HYDIN: variants seen among roughly 807,000 people sequenced by gnomAD.
The protein encoded by HYDIN is HYDIN axonemal central pair apparatus protein, also known as axonemal central pair apparatus protein HYDIN.
In HYDIN, 132 loss-of-function variants were observed where a neutral mutation model predicts 403.9. The observed-to-expected ratio is 0.33, with a 90% CI of 0.28 to 0.38. HYDIN has a LOEUF of 0.38. HYDIN is among the 10% of genes least tolerant of loss of function. The probability of loss-of-function intolerance (pLI) is 1.00; values close to 1 mark genes in which losing one functional copy is unlikely to be tolerated. For synonymous variants in HYDIN, 1,202 were observed against 1,891.7 expected, an observed-to-expected ratio of 0.64 and a Z score of 9.46; for missense variants, 2,827 against 5,009.5, an observed-to-expected ratio of 0.56 and a Z score of 13.15.
chr16:71,230,542 TC>T lies in HYDIN; in HGVS notation c.-24+19del, dbSNP rs2041236152. On this transcript the variant is annotated intron_variant, in intron 1 of 85. Coordinates refer to ENST00000393567, the MANE Select transcript of HYDIN (RefSeq NM_001270974.2). ...TGTCCCTCACACTTTGACCCCACAA[TC>T]TCTGCGAGGACCTCTGACCTTGGTG... 6.6e-7 allele frequency: 1 copy of T among 1,523,900 alleles called. No individual in the cohort carries two copies. Among genetic ancestry groups the T allele is most frequent in the Admixed American group, 2.0e-5 (1 of 50,436 alleles). 94.4% of individuals were successfully genotyped at this position (1,523,900 alleles called of 1,614,324 possible). A position where few individuals can be genotyped will look rare whatever the true frequency, so the allele number is the denominator to read the frequency against.
At chr16:71,172,542 G>C (rs570163484) in intron 5 of HYDIN, among the ~76,000 whole-genome samples, 1 of 152,292 alleles carries the variant, frequency 6.6e-6, no homozygotes, top group East Asian at 1.9e-4. Context: ...TCTGAGTGAG[G>C]AGAGAGAAGG....
At chr16:70,950,645 A>G (rs2078037346) in intron 41 of HYDIN, among the ~76,000 whole-genome samples, 1 of 151,350 alleles carries the variant, frequency 6.6e-6, no homozygotes, top group Non-Finnish European at 1.5e-5. Context: ...TTCTCCATCC[A>G]TCTGCTCTTC....
chr16:71,100,683 C>A (rs1267491978), intron 10 of HYDIN, among the ~76,000 whole-genome samples: 1 of 152,154 alleles, frequency 6.6e-6, no homozygotes, highest in Non-Finnish European at 1.5e-5. Flanking sequence ...CAGCTGATAT[C>A]CACATGGGAT....
At chr16:71,204,374 A>G (rs1011353856) in intron 1 of HYDIN, among the ~76,000 whole-genome samples, 8 of 152,200 alleles carry the variant, frequency 5.3e-5, no homozygotes, top group Non-Finnish European at 8.8e-5. Flanking sequence ...ACTGAAATCA[A>G]TAGAGAAAGG....
intron 47 of HYDIN, among the ~76,000 whole-genome samples, chr16:70,916,920 G>A (rs1486059918): frequency 2.9e-5 from 4 of 135,686 alleles, no homozygotes; most frequent in African/African-American, 8.3e-5. Flanking sequence ...TATTCCTTCC[G>A]TCTTTCTTTT....
At chr16:71,087,660 G>C (rs1198663075) in intron 12 of HYDIN, 1 of 132,142 alleles carries the variant, frequency 7.6e-6, no homozygotes, top group Non-Finnish European at 1.6e-5. Context: ...TATATCATGA[G>C]ATCAGTACAT....
chr16:71,098,235 T>A (rs1568149843), intron 10 of HYDIN, among the ~76,000 whole-genome samples: 1 of 146,962 alleles, frequency 6.8e-6, no homozygotes, highest in Admixed American at 7.0e-5. Context: ...GGAGTCTCGC[T>A]CTGTCACCCA....
At chr16:71,189,789 A>C (rs2087339082) in intron 1 of HYDIN, among the ~76,000 whole-genome samples, 1 of 151,688 alleles carries the variant, frequency 6.6e-6, no homozygotes, top group Non-Finnish European at 1.5e-5. Flanking sequence ...AAAACAAACA[A>C]CAATATTTTG....
chr16:71,011,096 G>A (rs1217853347), intron 23 of HYDIN, among the ~76,000 whole-genome samples: 3 of 152,174 alleles, frequency 2.0e-5, no homozygotes, highest in Non-Finnish European at 4.4e-5. Context: ...GGACCCGTAG[G>A]AGGACCCGTA....
At chr16:70,950,416 A>C (rs1451621887) in intron 41 of HYDIN, among the ~76,000 whole-genome samples, 1 of 151,794 alleles carries the variant, frequency 6.6e-6, no homozygotes, top group African/African-American at 2.4e-5. Flanking sequence ...AAGCCCAGCT[A>C]ATTTTTTTAT....
intron 39 of HYDIN, among the ~76,000 whole-genome samples, chr16:70,958,265 A>T (rs2078303803): frequency 6.6e-6 from 1 of 151,390 alleles, no homozygotes; most frequent in Admixed American, 6.6e-5. Flanking sequence ...TATATTGATC[A>T]GTCTGATTTT....
At position 71,011,353 on chromosome 16, in the gene HYDIN, C is replaced by T. The variant is rs145656469; in HGVS notation, c.3644+6776G>A. 9.1e-3 allele frequency among the ~76,000 whole-genome samples: 1,388 copies of T among 152,288 alleles called. 12 individuals are homozygous for T. Among genetic ancestry groups the T allele is most frequent in the Middle Eastern group, 0.075 (22 of 294 alleles). On this transcript the variant is annotated intron_variant, in intron 23 of 85. Coordinates refer to ENST00000393567, the MANE Select transcript of HYDIN (RefSeq NM_001270974.2). ...AGCACAGCGCTTGGATTCTAACCAG[C>T]CACATCTGATTCGGCAGCCCAGGAC...
At chr16:71,015,297 A>G (rs1334533746) in intron 23 of HYDIN, among the ~76,000 whole-genome samples, 1 of 152,186 alleles carries the variant, frequency 6.6e-6, no homozygotes, top group East Asian at 1.9e-4. Flanking sequence ...AAACGGTTAA[A>G]TAAATGCTTA....
chr16:71,054,805 AT>A (rs1472521277), intron 18 of HYDIN, among the ~76,000 whole-genome samples: 10 of 151,796 alleles, frequency 6.6e-5, no homozygotes, highest in Admixed American at 5.3e-4. Context: ...GTAGTGAAGA[AT>A]TTTTACACAC....
At chr16:71,165,331 G>A (rs1477225101) in intron 5 of HYDIN, among the ~76,000 whole-genome samples, 1 of 151,646 alleles carries the variant, frequency 6.6e-6, no homozygotes, top group Non-Finnish European at 1.5e-5. Context: ...TATTCATGGT[G>A]CTCACCCCCT....
At position 71,137,146 on chromosome 16, in the gene HYDIN, C is replaced by G. The variant is rs763327942; in HGVS notation, c.1043+5G>C. The G allele has an allele frequency of 2.6e-5, 16 of 610,730 alleles. No homozygotes were observed. In the Middle Eastern group the frequency reaches 2.2e-3, roughly 83 times the overall value. 37.8% of individuals were successfully genotyped at this position (610,730 alleles called of 1,614,324 possible). A position where few individuals can be genotyped will look rare whatever the true frequency, so the allele number is the denominator to read the frequency against. On this transcript the variant is annotated splice_donor_5th_base_variant and intron_variant, in intron 8 of 85. Transcript: ENST00000393567. ...TACTGCATATAGGTGATTTTTGTTA[C>G]AGACCTATATTTTTCTCTGTCCTCT...
intron 83 of HYDIN, among the ~76,000 whole-genome samples, chr16:70,819,974 ATT>A (rs56879257): frequency 1.2e-4 from 15 of 123,172 alleles, no homozygotes; most frequent in African/African-American, 3.7e-4. Flanking sequence ...CGCCTGGCTA[ATT>A]TTTTTTTTTT....
intron 2 of HYDIN, among the ~76,000 whole-genome samples, 197 bp from the exon 3 acceptor site, chr16:71,185,187 C>A (rs984713123): frequency 1.3e-5 from 2 of 151,990 alleles, no homozygotes; most frequent in African/African-American, 4.8e-5. Context: ...GGTCTTTGCA[C>A]GGTAATTGAA....
At chr16:71,178,674 C>T (rs187518373) in intron 4 of HYDIN, among the ~76,000 whole-genome samples, 2 of 152,116 alleles carry the variant, frequency 1.3e-5, no homozygotes, top group African/African-American at 4.8e-5. Flanking sequence ...TCTGGTCAAT[C>T]CTTTAATCAA....
Sources: gnomAD v4.1 joint callset for allele counts (sites outside exome capture counted in the v4.1 genomes callset) on GRCh38, gnomAD v4.1.1 for gene constraint, MANE v1.5 for transcripts, NCBI Gene and HGNC (gene_info 2026-07-23, HGNC 2026-07-21) for gene names.